Variants in ALMS1 observed in about 807,000 individuals in gnomAD.
The protein encoded by ALMS1 is ALMS1 centrosome and basal body associated protein.
A neutral mutation model predicts 352.2 loss-of-function variants in ALMS1; 271 were observed. That is an observed-to-expected ratio of 0.77 (90% CI 0.70 to 0.85). The LOEUF is 0.85. Ranked by LOEUF, ALMS1 falls within the 40% of genes least tolerant of loss-of-function variation. The pLI, the probability that ALMS1 is intolerant of heterozygous loss-of-function variation, is 0.00. For synonymous variants in ALMS1, 1,865 were observed against 1,761.2 expected (o/e 1.06, Z -1.48); for missense variants, 5,445 against 4,870.7 (o/e 1.12, Z -3.51).
chr2:73,532,062 A>G (rs1673927080), intron 11 of ALMS1, among the ~76,000 whole-genome samples: 2 of 152,240 alleles, frequency 1.3e-5, no homozygotes, highest in South Asian at 4.1e-4. Context: ...ATTACCAGGT[A>G]GAGACTCTTG....
intron 21 of ALMS1, 104 bp from the exon 22 acceptor site, chr2:73,608,371 C>T: frequency 5.5e-6 from 5 of 917,142 alleles, no homozygotes; most frequent in Non-Finnish European, 9.0e-6. Flanking sequence ...GGATGAGCTC[C>T]TGGAGAGTGG....
In ALMS1 at chr2:73,557,267, A is replaced by C; in HGVS notation, c.10126A>C (p.Lys3376Gln). 2 of 1,614,190 alleles carry C rather than the reference A, an allele frequency of 1.2e-6. No individual in the cohort carries two copies. Among genetic ancestry groups the C allele is most frequent in the Non-Finnish European group, 1.7e-6 (2 of 1,180,020 alleles). Residue 3376 changes from lysine to glutamine, a missense_variant, in exon 14 of 23, where the codon AAA (lysine) becomes CAA (glutamine). By Grantham distance (53) the Lys-to-Gln change is moderately conservative. Transcript: ENST00000613296. The part of the protein sequence containing the change: ...LITGDENLSD[K>Q]KQQEIHSTRA... ...CACTGGGGATGAGAACCTCTCAGAC[A>C]AAAAACAGCAAGAGATTCACAGTAC...
At chr2:73,482,533 A>G (rs1672733042) in intron 9 of ALMS1, among the ~76,000 whole-genome samples, 1 of 152,144 alleles carries the variant, frequency 6.6e-6, no homozygotes. Flanking sequence ...ATTGGTCTAA[A>G]ATTCTCTTTT....
rs773500603 is a variant in ALMS1 at position 73,453,323 on chromosome 2, T to G, written c.6796T>G (p.Leu2266Val). Residue 2266 changes from leucine (L) to valine (V), a missense_variant, in exon 8 of 23, where the codon TTG becomes GTG. Transcript: ENST00000613296. ...AKTLKEIRTL[L>V]MEAENMALKR... ...AACTCTTAAGGAAATTCGGACACTT[T>G]TGATGGAGGCAGAAAATATGGCACT... 1 of 1,613,946 alleles carries G rather than the reference T, an allele frequency of 6.2e-7. No homozygotes were observed. Among genetic ancestry groups the G allele is most frequent in the Non-Finnish European group, 8.5e-7 (1 of 1,179,972 alleles).
intron 11 of ALMS1, among the ~76,000 whole-genome samples, chr2:73,523,950 C>T (rs1206914527): frequency 6.6e-5 from 10 of 151,962 alleles, no homozygotes; most frequent in African/African-American, 1.2e-4. Context: ...TAAAGATAAA[C>T]GGAAGGAGCT....
At chr2:73,492,528 T>C (rs552242477) in intron 10 of ALMS1, among the ~76,000 whole-genome samples, 52 of 152,284 alleles carry the variant, frequency 3.4e-4, no homozygotes, top group Admixed American at 1.8e-3. Context: ...GTCCTAGAAT[T>C]TGAACCCTAA....
intron 12 of ALMS1, among the ~76,000 whole-genome samples, chr2:73,539,327 A>T (rs6704782): frequency 0.3 from 45,472 of 152,060 alleles, 8,229 homozygotes; most frequent in African/African-American, 0.51. Context: ...GAGGGTCCTG[A>T]CTGTTACTAA....
At chr2:73,493,594 T>C (rs1673037525) in intron 10 of ALMS1, among the ~76,000 whole-genome samples, 1 of 151,788 alleles carries the variant, frequency 6.6e-6, no homozygotes, top group African/African-American at 2.4e-5. Context: ...TGGTGGCACA[T>C]GCTTGTAATC....
At position 73,419,299 on chromosome 2, in the gene ALMS1, C is replaced by T; in HGVS notation, c.627C>T (p.Leu209=). The change falls in exon 3 of 23, where the codon CTC becomes CTT. Residue 209 remains leucine (L), a synonymous_variant. Transcript: ENST00000613296. The part of the protein sequence containing the change: ...ENQVKEPNRD[L]FCSPLLVIQD... ...AAGTAAAGGAACCCAACAGAGATCT[C>T]TTCTGTTCTCCACTGCTAGGTAATG... The T allele has an allele frequency of 1.2e-6, 2 of 1,613,834 alleles. No homozygotes were observed. The highest frequency in any genetic ancestry group is 1.7e-6 in the Non-Finnish European group (2 of 1,179,784).
chr2:73,479,616 T>A (rs1188379442), intron 9 of ALMS1, among the ~76,000 whole-genome samples: 2 of 152,202 alleles, frequency 1.3e-5, no homozygotes. Flanking sequence ...GTTTAAATAT[T>A]CACTATTGAA....
At chr2:73,433,230 T>G (rs2103736951) in intron 7 of ALMS1, among the ~76,000 whole-genome samples, 1 of 152,324 alleles carries the variant, frequency 6.6e-6, no homozygotes, top group Admixed American at 6.5e-5. Context: ...TCTGATTTGT[T>G]TTTCCTGCTA....
At chr2:73,440,367 A>G (rs939672087) in intron 7 of ALMS1, among the ~76,000 whole-genome samples, 1 of 152,030 alleles carries the variant, frequency 6.6e-6, no homozygotes, top group East Asian at 1.9e-4. Context: ...CAAATTTGGG[A>G]TGTTTTCAGA....
chr2:73,477,078 G>C (rs1672599516), intron 9 of ALMS1, among the ~76,000 whole-genome samples: 1 of 152,084 alleles, frequency 6.6e-6, no homozygotes, highest in African/African-American at 2.4e-5. Context: ...TTTTCACTCT[G>C]TTGATGGTGT....
Position 73,402,034 on chromosome 2 carries a change from ATG to A in ALMS1, c.325-6573_325-6572del, listed in dbSNP as rs138240384. Among the ~76,000 whole-genome samples the A allele has an allele frequency of 6.7e-3, 879 of 131,702 alleles. 4 individuals carry two copies. The highest frequency in any genetic ancestry group is 8.6e-3 in the Non-Finnish European group (543 of 62,984). 86.4% of individuals were successfully genotyped at this position (131,702 alleles called of 152,430 possible). A position where few individuals can be genotyped will look rare whatever the true frequency, so the allele number is the denominator to read the frequency against. ...CCTCGTGTGTATGTGTGTGTGTGTTATGTGTGTGTGTGTGTGAGTGTGAGTGT... is the reference window on the plus strand; with the variant it reads ...CCTCGTGTGTATGTGTGTGTGTGTTATGTGTGTGTGTGTGAGTGTGAGTGT... On this transcript the variant is annotated intron_variant, in intron 1 of 22. Coordinates refer to ENST00000613296, the MANE Select transcript of ALMS1 (RefSeq NM_001378454.1).
chr2:73,565,123 C>T (rs931133111), intron 15 of ALMS1, among the ~76,000 whole-genome samples: 7 of 152,172 alleles, frequency 4.6e-5, no homozygotes, highest in African/African-American at 1.4e-4. Flanking sequence ...ATAGTCAAGG[C>T]ACTATTAGTA....
At chr2:73,538,691 C>T (rs1251082343) in intron 12 of ALMS1, among the ~76,000 whole-genome samples, 1 of 152,180 alleles carries the variant, frequency 6.6e-6, no homozygotes, top group Non-Finnish European at 1.5e-5. Flanking sequence ...CACCCTAATA[C>T]TGCGCTTTTC....
rs748200460 is a variant in ALMS1 at position 73,572,828 on chromosome 2, C to T, written c.10951C>T (p.His3651Tyr). Reference sequence around the variant, plus strand: ...TTCTCTCCAGGTCTCAGAAAGTACACATGATGATAGCAGAGGGGAACGAAG... The same window carrying T: ...TTCTCTCCAGGTCTCAGAAAGTACATATGATGATAGCAGAGGGGAACGAAG... ...THSLQVSEST[H>Y]DDSRGERSVK... Residue 3651 changes from histidine to tyrosine, a missense_variant, in exon 16 of 23, where the codon CAT becomes TAT. By Grantham distance (83) the His-to-Tyr change is moderately conservative (BLOSUM62 2). Transcript: ENST00000613296. The T allele has an allele frequency of 5.0e-6, 8 of 1,613,998 alleles. No homozygotes were observed. In the East Asian group the frequency reaches 6.7e-5, roughly 13 times the overall value.
chr2:73,574,595 ATATT>A (rs1312787384), intron 16 of ALMS1, among the ~76,000 whole-genome samples: 4 of 152,248 alleles, frequency 2.6e-5, no homozygotes, highest in Non-Finnish European at 5.9e-5. Context: ...TTTATTATAA[ATATT>A]ATTTCTCCTC....
Position 73,386,147 on chromosome 2 carries a change from C to G in ALMS1, c.279C>G (p.Pro93=), listed in dbSNP as rs770203539. The change falls in exon 1 of 23, where the codon CCC becomes CCG. Residue 93 remains proline, a synonymous_variant. Coordinates refer to ENST00000613296, the MANE Select transcript of ALMS1 (RefSeq NM_001378454.1). ...HPGRILPPLS[P]PQHRYSEGER... Reference sequence around the variant, plus strand: ...GCAGGATTTTGCCTCCGCTGTCGCCCCCGCAGCACCGCTACTCGGAGGGCG... The same window carrying G: ...GCAGGATTTTGCCTCCGCTGTCGCCGCCGCAGCACCGCTACTCGGAGGGCG... The G allele has an allele frequency of 1.7e-5, 27 of 1,556,948 alleles. No homozygotes were observed. The highest frequency in any genetic ancestry group is 4.7e-5 in the South Asian group (4 of 84,356).
Sources: allele counts gnomAD v4.1 joint callset (sites outside exome capture counted in the v4.1 genomes callset), GRCh38; gene constraint gnomAD v4.1.1; transcripts MANE v1.5; gene names NCBI Gene and HGNC (gene_info 2026-07-23, HGNC 2026-07-21).